Variants in PPP2R1A observed in about 807,000 individuals in gnomAD.
PPP2R1A encodes serine/threonine-protein phosphatase 2A 65 kDa regulatory subunit A alpha isoform.
A neutral mutation model predicts 67.1 loss-of-function variants in PPP2R1A; 15 were observed. The ratio of observed to expected loss-of-function variants is 0.22; its 90% CI spans 0.15 to 0.34. PPP2R1A has a LOEUF of 0.34. Among genes scored for constraint, PPP2R1A ranks in the 10% least tolerant of loss-of-function variants. The pLI is 1.00. For missense variants in PPP2R1A, 369 were observed against 775.0 expected, an observed-to-expected ratio of 0.48 and a Z score of 6.22; for synonymous variants, 337 against 325.0, an observed-to-expected ratio of 1.04 and a Z score of -0.40.
At chr19:52,222,676 G>A (rs538854674) in intron 13 of PPP2R1A, among the ~76,000 whole-genome samples, 1 of 152,330 alleles carries the variant, frequency 6.6e-6, no homozygotes, top group East Asian at 1.9e-4. Flanking sequence ...AGGAGTTCAC[G>A]ACCAGCCTGG....
At chr19:52,223,565 G>C (rs569324338) in intron 13 of PPP2R1A, among the ~76,000 whole-genome samples, 1 of 152,298 alleles carries the variant, frequency 6.6e-6, no homozygotes, top group South Asian at 2.1e-4. Context: ...ACTTGAATAG[G>C]CACTTGAAAA....
At position 52,213,293 on chromosome 19, in the gene PPP2R1A, A is replaced by G. The variant is rs1251549000; in HGVS notation, c.807+183A>G. Among the ~76,000 whole-genome samples the G allele has an allele frequency of 6.6e-6, 1 of 152,034 alleles. No individual in the cohort carries two copies. The highest frequency in any genetic ancestry group is 2.4e-5 in the African/African-American group (1 of 41,378). On this transcript the variant is annotated intron_variant, in intron 6 of 14. Transcript: ENST00000322088. The surrounding 1 kb of genome is among the most constrained non-coding windows in gnomAD (Gnocchi z 4.2). ...GCCAATCCTGGTTGATTGACATGGC[A>G]TCTTAAAGTGCTGCCTTGAGAAAGA...
Position 52,226,333 on chromosome 19 carries a change from GT to G in PPP2R1A, c.*361del, listed in dbSNP as rs950684319. On this transcript the variant is annotated 3_prime_UTR_variant, in exon 15 of 15. Coordinates refer to ENST00000322088, the MANE Select transcript of PPP2R1A (RefSeq NM_014225.6). ...CCACCTCCCGTCCTCCCCATCATTG[GT>G]TTTTTTTTGTGTGTCAACTGTGCCG... 309 of 382,540 alleles carry G rather than the reference GT, an allele frequency of 8.1e-4. No homozygotes were observed. Among genetic ancestry groups the G allele is most frequent in the Admixed American group, 1.2e-3 (28 of 23,312 alleles). 23.7% of individuals were successfully genotyped at this position (382,540 alleles called of 1,614,324 possible).
intron 2 of PPP2R1A, among the ~76,000 whole-genome samples, chr19:52,203,294 A>G (rs1487748143): frequency 2.0e-5 from 3 of 152,192 alleles, no homozygotes; most frequent in African/African-American, 7.2e-5. Context: ...TGCTCGTATG[A>G]CACTGAACAA....
chr19:52,225,667 C>T, intron 13 of PPP2R1A, 50 bp from the exon 14 acceptor site: 1 of 1,560,932 alleles, frequency 6.4e-7, no homozygotes, highest in Non-Finnish European at 8.8e-7. Context: ...CCTGTTGCCC[C>T]AGTCCATCCT....
At chr19:52,222,499 G>T in intron 13 of PPP2R1A, 2 of 379,314 alleles carry the variant, frequency 5.3e-6, no homozygotes, top group East Asian at 9.2e-5. Context: ...ATCACCTTAT[G>T]TTTTATATGT....
intron 3 of PPP2R1A, among the ~76,000 whole-genome samples, chr19:52,210,385 T>G (rs960679597): frequency 6.6e-6 from 1 of 152,082 alleles, no homozygotes; most frequent in East Asian, 1.9e-4. Flanking sequence ...TCACCAGAGC[T>G]GTGTGTAACT....
chr19:52,202,116 T>A, intron 2 of PPP2R1A, 82 bp downstream of exon 2: 1 of 1,220,954 alleles, frequency 8.2e-7, no homozygotes, highest in Non-Finnish European at 1.2e-6. Context: ...CTTGTGGATT[T>A]AACATATTGT....
Position 52,212,865 on chromosome 19 carries a change from C to G in PPP2R1A, c.651+32C>G. ...TTTGCTTCCTGGCCCTCTGCTCTCC[C>G]GTCCTTCTGGTGGTTCCTGCCCATG... On this transcript the variant is annotated intron_variant, in intron 5 of 14. Coordinates refer to ENST00000322088, the MANE Select transcript of PPP2R1A (RefSeq NM_014225.6). This position sits in a 1 kb window ranked among gnomAD's most constrained non-coding sequence, Gnocchi z 4.1. 1.3e-6 allele frequency: 2 copies of G among 1,577,132 alleles called. No homozygotes were observed. The highest frequency in any genetic ancestry group is 1.7e-6 in the Non-Finnish European group (2 of 1,159,936).
chr19:52,197,580 CG>C (rs897886855), intron 1 of PPP2R1A, among the ~76,000 whole-genome samples: 72 of 152,186 alleles, frequency 4.7e-4, no homozygotes, highest in African/African-American at 1.6e-3. Flanking sequence ...GTAGCTGAGG[CG>C]GGAGAATCAC....
chr19:52,222,740 G>A (rs905334925), intron 13 of PPP2R1A, among the ~76,000 whole-genome samples: 3 of 152,236 alleles, frequency 2.0e-5, no homozygotes, highest in Admixed American at 1.3e-4. Flanking sequence ...AGCCGGTGCG[G>A]TAGCACTCAC....
chr19:52,190,336 G>A (rs1568583115), intron 1 of PPP2R1A, 162 bp downstream of exon 1: 3 of 816,016 alleles, frequency 3.7e-6, no homozygotes, highest in Non-Finnish European at 5.8e-6. Context: ...TCCTTGAGAC[G>A]GCGCTCCCGA....
rs776111060 is a variant in PPP2R1A, at chr19:52,227,414, G to A, written c.*1433G>A. The A allele has an allele frequency of 2.0e-4, 30 of 152,210 alleles. No individual in the cohort carries two copies. The highest frequency in any genetic ancestry group is 2.6e-4 in the Non-Finnish European group (18 of 68,056). The allele number at this position is 152,210 out of a possible 1,614,324, so 9.4% of individuals were successfully genotyped here. A position where few individuals can be genotyped will look rare whatever the true frequency, so the allele number is the denominator to read the frequency against. ...GCCATGCCAGTACTGTCACCTGGGAGAATTAAACTGGTCAAGTGCCTGTTC... is the reference window on the plus strand; with the variant it reads ...GCCATGCCAGTACTGTCACCTGGGAAAATTAAACTGGTCAAGTGCCTGTTC... On this transcript the variant is annotated 3_prime_UTR_variant, in exon 15 of 15. Coordinates refer to ENST00000322088, the MANE Select transcript of PPP2R1A (RefSeq NM_014225.6).
rs1978570379 is a variant in PPP2R1A, at chr19:52,216,342, T to G, written c.994-187T>G. On this transcript the variant is annotated intron_variant, in intron 8 of 14. Coordinates refer to ENST00000322088, the MANE Select transcript of PPP2R1A (RefSeq NM_014225.6). The surrounding 1 kb of genome is among the most constrained non-coding windows in gnomAD (Gnocchi z 4.3). ...GAGTGGGGGCTGCTGAGAGCAGGGG[T>G]CATTGAACTCTTAAGTAGGTGGTAC... Among the ~76,000 whole-genome samples, 1 of 151,928 alleles carries G rather than the reference T, an allele frequency of 6.6e-6. No homozygotes were observed. The highest frequency in any genetic ancestry group is 6.6e-5 in the Admixed American group (1 of 15,254).
chr19:52,204,569 G>A (rs2089583769), intron 2 of PPP2R1A, among the ~76,000 whole-genome samples: 1 of 152,198 alleles, frequency 6.6e-6, no homozygotes, highest in South Asian at 2.1e-4. Context: ...TTGGCCTTCA[G>A]CAGCATTGCT....
At position 52,227,050 on chromosome 19, in the gene PPP2R1A, T is replaced by C. The variant is rs1467603958; in HGVS notation, c.*1069T>C. The C allele has an allele frequency of 1.3e-5, 2 of 152,116 alleles. No individual in the cohort carries two copies. Among genetic ancestry groups the C allele is most frequent in the Non-Finnish European group, 2.9e-5 (2 of 68,012 alleles). 9.4% of individuals were successfully genotyped at this position (152,116 alleles called of 1,614,324 possible). A position where few individuals can be genotyped will look rare whatever the true frequency, so the allele number is the denominator to read the frequency against. Reference sequence around the variant, plus strand: ...GCAAGATAGATCAGTTATCTCGGTATCTATTCTCCCCTTCCTAATGTAGAA... The same window carrying C: ...GCAAGATAGATCAGTTATCTCGGTACCTATTCTCCCCTTCCTAATGTAGAA... On this transcript the variant is annotated 3_prime_UTR_variant, in exon 15 of 15. Coordinates refer to ENST00000322088, the MANE Select transcript of PPP2R1A (RefSeq NM_014225.6).
rs1337695777 is a variant in PPP2R1A at position 52,212,102 on chromosome 19, T to C, written c.504-584T>C. Among the ~76,000 whole-genome samples, 2 of 152,248 alleles carry C rather than the reference T, an allele frequency of 1.3e-5. No homozygotes were observed. The highest frequency in any genetic ancestry group is 2.9e-5 in the Non-Finnish European group (2 of 68,038). On this transcript the variant is annotated intron_variant, in intron 4 of 14. Transcript: ENST00000322088. The surrounding 1 kb of genome is among the most constrained non-coding windows in gnomAD (Gnocchi z 4.1). ...AAGCAGTTTTTTGTTTGTTTGTTTTTTGAGATAGGATCTCGCTCTGTCATC... is the reference window on the plus strand; with the variant it reads ...AAGCAGTTTTTTGTTTGTTTGTTTTCTGAGATAGGATCTCGCTCTGTCATC...
chr19:52,222,335 T>A, intron 13 of PPP2R1A, 94 bp downstream of exon 13: 1 of 1,482,058 alleles, frequency 6.7e-7, no homozygotes, highest in Non-Finnish European at 9.0e-7. Flanking sequence ...GTCAGAGGCC[T>A]GGCAGCGCTC....
intron 3 of PPP2R1A, among the ~76,000 whole-genome samples, chr19:52,208,220 G>A (rs2089625378): frequency 6.6e-6 from 1 of 152,192 alleles, no homozygotes. Flanking sequence ...ACAGGCTGGA[G>A]TGCAGTGGCG....
Sources: gnomAD v4.1 joint callset for allele counts (sites outside exome capture counted in the v4.1 genomes callset) on GRCh38, gnomAD v4.1.1 for gene constraint, Gnocchi (gnomAD v3.1) non-coding constraint, MANE v1.5 for transcripts, NCBI Gene and HGNC (gene_info 2026-07-23, HGNC 2026-07-21) for gene names.